APLP2: variants seen among roughly 807,000 people sequenced by gnomAD.
APLP2 encodes the protein amyloid beta precursor like protein 2.
APLP2 carries 53 observed loss-of-function variants against 89.9 expected under a neutral mutation model. The observed-to-expected ratio is 0.59, with a 90% CI of 0.47 to 0.74. APLP2 has a LOEUF of 0.74. Among genes scored for constraint, APLP2 ranks in the 30% least tolerant of loss-of-function variants. The pLI, the probability that APLP2 is intolerant of heterozygous loss-of-function variation, is 0.00. For missense variants in APLP2, 973 were observed against 975.9 expected, an observed-to-expected ratio of 1.00 and a Z score of 0.04; for synonymous variants, 372 against 348.6, an observed-to-expected ratio of 1.07 and a Z score of -0.75.
In APLP2 at chr11:130,103,271, G is replaced by T. The variant is rs140221705; in HGVS notation, c.106-6158G>T. Reference sequence around the variant, plus strand: ...TTGATTAGTTGACTCCTAAAACATGGTCCACAGAGGCTTTTTATATTTCCG... The same window carrying T: ...TTGATTAGTTGACTCCTAAAACATGTTCCACAGAGGCTTTTTATATTTCCG... On this transcript the variant is annotated intron_variant, in intron 1 of 16. Coordinates refer to ENST00000338167, the MANE Select transcript of APLP2 (RefSeq NM_001142276.2). Among the ~76,000 whole-genome samples, 120 of 152,308 alleles carry T rather than the reference G, an allele frequency of 7.9e-4. No homozygotes were observed. In the Middle Eastern group the frequency reaches 0.01, roughly 13 times the overall value.
chr11:130,112,410 G>T lies in APLP2; in HGVS notation c.403+1749G>T, dbSNP rs200997668. Among the ~76,000 whole-genome samples the T allele has an allele frequency of 1.4e-4, 19 of 138,842 alleles. No homozygotes were observed. The East Asian group carries it at 3.5e-3, about 25-fold the overall frequency. The allele number at this position is 138,842 out of a possible 152,430, so 91.1% of individuals were successfully genotyped here. A position where few individuals can be genotyped will look rare whatever the true frequency, so the allele number is the denominator to read the frequency against. On this transcript the variant is annotated intron_variant, in intron 3 of 16. Transcript: ENST00000338167. ...GTCTGATTGCAGTTGGGGGAGATGTGCAGGGCCCACTGGGCACTAAGGTGA... is the reference window on the plus strand; with the variant it reads ...GTCTGATTGCAGTTGGGGGAGATGTTCAGGGCCCACTGGGCACTAAGGTGA...
In APLP2 at chr11:130,135,518, G is replaced by A. The variant is rs911858126; in HGVS notation, c.1685-45G>A. ...AGAGCATCCTGTGCCTGGACACCAG[G>A]CCCTTCTGAAGCCTGCTTTCTGTCC... On this transcript the variant is annotated intron_variant, in intron 12 of 16. Transcript: ENST00000338167. 4 of 1,602,594 alleles carry A rather than the reference G, an allele frequency of 2.5e-6. No homozygotes were observed. In the East Asian group the frequency reaches 9.0e-5, roughly 36 times the overall value.
Position 130,127,375 on chromosome 11 carries a change from T to C in APLP2, c.1222-391T>C, listed in dbSNP as rs554425328. 2.0e-5 allele frequency among the ~76,000 whole-genome samples: 3 copies of C among 152,346 alleles called. No homozygotes were observed. The East Asian group carries it at 5.8e-4, about 29-fold the overall frequency. ...GGATTGAAGAGAATTGAAAAGGGAA[T>C]GCCTTGCTAGGCCTAAGCTCCACCC... On this transcript the variant is annotated intron_variant, in intron 8 of 16. Coordinates refer to ENST00000338167, the MANE Select transcript of APLP2 (RefSeq NM_001142276.2).
chr11:130,098,474 A>G (rs1946503446), intron 1 of APLP2, among the ~76,000 whole-genome samples: 1 of 152,106 alleles, frequency 6.6e-6, no homozygotes, highest in Non-Finnish European at 1.5e-5. Flanking sequence ...ACGTTAAAGG[A>G]AAAGAGATCT....
chr11:130,132,522 C>T (rs185499230), intron 11 of APLP2, among the ~76,000 whole-genome samples: 36 of 151,892 alleles, frequency 2.4e-4, no homozygotes, highest in African/African-American at 8.0e-4. Flanking sequence ...CACACCTCGC[C>T]GTGTCATTGG....
At chr11:130,089,419 C>A (rs1390709646) in intron 1 of APLP2, among the ~76,000 whole-genome samples, 2 of 152,198 alleles carry the variant, frequency 1.3e-5, no homozygotes, top group African/African-American at 4.8e-5. Flanking sequence ...TCTCCTGTGC[C>A]AAGTCCGTGC....
chr11:130,143,251 C>G, intron 16 of APLP2, 96 bp from the exon 17 acceptor site: 1 of 1,135,218 alleles, frequency 8.8e-7, no homozygotes, highest in Non-Finnish European at 1.3e-6. Flanking sequence ...GCATTTGGTC[C>G]TCAGGGGATT....
Position 130,127,840 on chromosome 11 carries a change from G to A in APLP2, c.1296G>A (p.Gln432=). The change falls in exon 9 of 17, where the codon CAG becomes CAA. Residue 432 remains glutamine (Q), a splice_region_variant and synonymous_variant. Coordinates refer to ENST00000338167, the MANE Select transcript of APLP2 (RefSeq NM_001142276.2). ...AAGCAGAGAGGCAGACTCTGATTCA[G>A]GTAAGATGCCTTCTCTGGGGACATA... ...LPKAERQTLI[Q]HFQAMVKALE... The A allele has an allele frequency of 6.2e-7, 1 of 1,613,666 alleles. No homozygotes were observed.
intron 11 of APLP2, among the ~76,000 whole-genome samples, chr11:130,130,901 TGAAAAG>T (rs1228407240): frequency 6.6e-6 from 1 of 152,098 alleles, no homozygotes; most frequent in Non-Finnish European, 1.5e-5. Flanking sequence ...AGTGTGAAGA[TGAAAAG>T]GTAATGTGCC....
At chr11:130,093,979 T>G (rs1389314036) in intron 1 of APLP2, among the ~76,000 whole-genome samples, 1 of 151,398 alleles carries the variant, frequency 6.6e-6, no homozygotes, top group East Asian at 1.9e-4. Context: ...TCTCCTGACC[T>G]CGTGATCCGC....
intron 11 of APLP2, among the ~76,000 whole-genome samples, chr11:130,130,439 C>T (rs1950813563): frequency 2.0e-5 from 3 of 152,096 alleles, no homozygotes; most frequent in African/African-American, 7.2e-5. Context: ...AGGGTATTGC[C>T]AGAACCAATA....
chr11:130,128,955 C>A, intron 9 of APLP2, 93 bp from the exon 10 acceptor site: 1 of 1,406,540 alleles, frequency 7.1e-7, no homozygotes, highest in South Asian at 1.4e-5. Flanking sequence ...CTCGCATGGG[C>A]ACTGACAGGA....
At chr11:130,086,993 A>C (rs1000592982) in intron 1 of APLP2, among the ~76,000 whole-genome samples, 10 of 152,358 alleles carry the variant, frequency 6.6e-5, no homozygotes, top group Admixed American at 1.3e-4. Flanking sequence ...AAAACAAAAC[A>C]AAACCCTGTT....
At chr11:130,107,897 C>T (rs2135768393) in intron 1 of APLP2, among the ~76,000 whole-genome samples, 1 of 152,264 alleles carries the variant, frequency 6.6e-6, no homozygotes, top group East Asian at 1.9e-4. Context: ...ACAGAGCCCT[C>T]AGAAATAACA....
intron 5 of APLP2, 64 bp from the exon 6 acceptor site, chr11:130,122,241 A>AC (rs1310477965): frequency 6.4e-7 from 1 of 1,563,816 alleles, no homozygotes; most frequent in African/African-American, 1.4e-5. Flanking sequence ...TAGAGAAGGG[A>AC]CCCATTGTTG....
intron 16 of APLP2, among the ~76,000 whole-genome samples, 198 bp downstream of exon 16, chr11:130,142,272 T>C (rs961121852): frequency 2.8e-4 from 42 of 152,312 alleles, no homozygotes; most frequent in African/African-American, 9.6e-4. Context: ...CTTTCAACAT[T>C]AGTTTGGGCC....
intron 1 of APLP2, among the ~76,000 whole-genome samples, chr11:130,098,450 A>AT (rs11452049): frequency 0.026 from 3,868 of 151,030 alleles, 152 homozygotes; most frequent in African/African-American, 0.088. Flanking sequence ...TTGTTTTCTT[A>AT]TTTTTTCCCA....
intron 1 of APLP2, among the ~76,000 whole-genome samples, chr11:130,103,541 A>G (rs1377818301): frequency 6.6e-6 from 1 of 152,168 alleles, no homozygotes; most frequent in East Asian, 1.9e-4. Flanking sequence ...AAATGCACTT[A>G]GCGCTGATGT....
intron 1 of APLP2, chr11:130,070,668 G>A: frequency 6.8e-7 from 1 of 1,477,412 alleles, no homozygotes; most frequent in Non-Finnish European, 8.9e-7. Context: ...TCCCTCTGCC[G>A]CCTGGGGCCG....
Sources: gnomAD v4.1 joint callset for allele counts (sites outside exome capture counted in the v4.1 genomes callset) on GRCh38, gnomAD v4.1.1 for gene constraint, MANE v1.5 for transcripts, NCBI Gene and HGNC (gene_info 2026-07-23, HGNC 2026-07-21) for gene names.